The following GALNT17 variants were observed in gnomAD, a reference collection of about 807,000 sequenced individuals.
GALNT17 encodes the protein UDP-GalNAc:polypeptide N-acetylgalactosaminyltransferase-like 3.
Under a neutral mutation model 63.7 loss-of-function variants are expected in GALNT17, and 29 were observed. The ratio of observed to expected loss-of-function variants is 0.46; its 90% CI spans 0.34 to 0.62. GALNT17 has a LOEUF of 0.62. GALNT17 is among the 20% of genes least tolerant of loss of function. The pLI is 0.01. For missense variants in GALNT17, 603 were observed against 799.6 expected (o/e 0.75, Z 2.97); for synonymous variants, 305 against 318.3 (o/e 0.96, Z 0.45).
At chr7:71,451,057 T>A (rs1787253595) in intron 5 of GALNT17, among the ~76,000 whole-genome samples, 1 of 152,020 alleles carries the variant, frequency 6.6e-6, no homozygotes, top group Non-Finnish European at 1.5e-5. Flanking sequence ...ATTAGGTATA[T>A]CTCCTAATGC....
intron 6 of GALNT17, among the ~76,000 whole-genome samples, chr7:71,662,053 C>T (rs1038047351): frequency 6.6e-6 from 1 of 152,270 alleles, no homozygotes; most frequent in East Asian, 1.9e-4. Flanking sequence ...AGTTTGGCTG[C>T]ACCCCAGGCA....
chr7:71,242,853 C>T (rs1314197299), intron 1 of GALNT17, among the ~76,000 whole-genome samples: 1 of 152,178 alleles, frequency 6.6e-6, no homozygotes, highest in Non-Finnish European at 1.5e-5. Context: ...CCCAGGGTGC[C>T]CATTACTGGG....
intron 2 of GALNT17, among the ~76,000 whole-genome samples, chr7:71,356,444 C>A (rs1038466077): frequency 2.0e-5 from 3 of 152,160 alleles, no homozygotes; most frequent in Non-Finnish European, 4.4e-5. Flanking sequence ...AAGCATGACA[C>A]CAGCATTTGC....
chr7:71,297,885 A>G (rs1791111075), intron 1 of GALNT17, among the ~76,000 whole-genome samples: 2 of 152,246 alleles, frequency 1.3e-5, no homozygotes, highest in African/African-American at 4.8e-5. Context: ...GAACAGGCAA[A>G]CATCATCTCT....
intron 1 of GALNT17, among the ~76,000 whole-genome samples, chr7:71,195,056 A>G (rs1406352423): frequency 2.0e-5 from 3 of 152,160 alleles, no homozygotes; most frequent in Non-Finnish European, 2.9e-5. Context: ...GCTAATATGT[A>G]TATGCATGTA....
chr7:71,488,129 C>G lies in GALNT17; in HGVS notation c.962+67024C>G, dbSNP rs1787942850. ...GCTGCAGTGAGCTATGATTTTGTCA[C>G]TACACTCCAGCCTGGGCAACAGAGC... On this transcript the variant is annotated intron_variant, in intron 5 of 10. Transcript: ENST00000333538. 5.4e-5 allele frequency among the ~76,000 whole-genome samples: 8 copies of G among 148,046 alleles called. No homozygotes were observed. The South Asian group carries it at 1.7e-3, about 32-fold the overall frequency.
At chr7:71,232,282 A>C (rs1277215649) in intron 1 of GALNT17, among the ~76,000 whole-genome samples, 4 of 152,134 alleles carry the variant, frequency 2.6e-5, no homozygotes. Context: ...ACTGCCCACC[A>C]CTGCCCCCAC....
At chr7:71,184,330 G>A (rs759495537) in intron 1 of GALNT17, among the ~76,000 whole-genome samples, 1 of 152,176 alleles carries the variant, frequency 6.6e-6, no homozygotes, top group Non-Finnish European at 1.5e-5. Context: ...TGGTGATGGA[G>A]TAACCTAAAT....
In GALNT17 at chr7:71,402,210, A is replaced by T. The variant is rs533856267; in HGVS notation, c.590-13679A>T. 1.0e-3 allele frequency among the ~76,000 whole-genome samples: 152 copies of T among 152,338 alleles called. 1 individual carries two copies. Among genetic ancestry groups the T allele is most frequent in the African/African-American group, 1.8e-3 (74 of 41,580 alleles). On this transcript the variant is annotated intron_variant, in intron 3 of 10. Transcript: ENST00000333538. Reference sequence around the variant, plus strand: ...ATAAAGGGTACTGTTGAGTGTGCTCATGACATTATTTGATTTGCTAACTCC... The same window carrying T: ...ATAAAGGGTACTGTTGAGTGTGCTCTTGACATTATTTGATTTGCTAACTCC...
rs144147848 is a variant in GALNT17, at chr7:71,303,530, A to G, written c.239-32020A>G. 1.8e-4 allele frequency among the ~76,000 whole-genome samples: 27 copies of G among 152,210 alleles called. No homozygotes were observed. The East Asian group carries it at 5.0e-3, about 28-fold the overall frequency. On this transcript the variant is annotated intron_variant, in intron 1 of 10. Coordinates refer to ENST00000333538, the MANE Select transcript of GALNT17 (RefSeq NM_022479.3). ...GAGGGCCATTTGAATAGACATTGGG[A>G]CACTTGAAGATGAAAAATTCATGGT...
chr7:71,315,750 G>A (rs1357986694), intron 1 of GALNT17, among the ~76,000 whole-genome samples: 3 of 152,116 alleles, frequency 2.0e-5, no homozygotes, highest in Admixed American at 6.5e-5. Context: ...TGTTGAGTGC[G>A]GCCTCAAGGG....
rs35015537 is a variant in GALNT17 at position 71,634,753 on chromosome 7, CAA to C, written c.1081-30644_1081-30643del. Among the ~76,000 whole-genome samples, 321 of 110,198 alleles carry C rather than the reference CAA, an allele frequency of 2.9e-3. 1 individual carries two copies. Among genetic ancestry groups the C allele is most frequent in the Middle Eastern group, 8.5e-3 (2 of 236 alleles). 72.3% of individuals were successfully genotyped at this position (110,198 alleles called of 152,430 possible). A position where few individuals can be genotyped will look rare whatever the true frequency, so the allele number is the denominator to read the frequency against. On this transcript the variant is annotated intron_variant, in intron 6 of 10. Coordinates refer to ENST00000333538, the MANE Select transcript of GALNT17 (RefSeq NM_022479.3). Reference sequence around the variant, plus strand: ...TGGGCGACGGAGCGAGACTCCATCTCAAAAAAAAAAAAAAAGAAAAAAGAAAA... The same window carrying C: ...TGGGCGACGGAGCGAGACTCCATCTCAAAAAAAAAAAAAGAAAAAAGAAAA...
At chr7:71,516,774 C>T (rs1788452098) in intron 5 of GALNT17, among the ~76,000 whole-genome samples, 1 of 152,144 alleles carries the variant, frequency 6.6e-6, no homozygotes, top group South Asian at 2.1e-4. Context: ...TGCCCATGCT[C>T]CCTGTCACCT....
chr7:71,562,914 G>A (rs998892171), intron 5 of GALNT17, among the ~76,000 whole-genome samples: 1 of 152,132 alleles, frequency 6.6e-6, no homozygotes. Flanking sequence ...CTTTAGAGGA[G>A]GGGAAGCATC....
chr7:71,193,008 G>A (rs1788980867), intron 1 of GALNT17, among the ~76,000 whole-genome samples: 2 of 151,956 alleles, frequency 1.3e-5, no homozygotes, highest in Non-Finnish European at 2.9e-5. Context: ...TGAGTAAGTG[G>A]CATGTGTGCA....
At chr7:71,280,197 T>C (rs369436939) in intron 1 of GALNT17, among the ~76,000 whole-genome samples, 18 of 152,232 alleles carry the variant, frequency 1.2e-4, no homozygotes, top group African/African-American at 4.1e-4. Context: ...GAGTCCAGGA[T>C]AATGAGATGG....
At chr7:71,205,063 A>G (rs998555316) in intron 1 of GALNT17, among the ~76,000 whole-genome samples, 1 of 151,022 alleles carries the variant, frequency 6.6e-6, no homozygotes, top group African/African-American at 2.4e-5. Context: ...TATCTTGTCA[A>G]TGTTTTATTA....
In GALNT17 at chr7:71,312,561, A is replaced by G. The variant is rs774464663; in HGVS notation, c.239-22989A>G. ...CAGATCTGGAGACTGGAAATCCAAG[A>G]TGAAGGTGCTGGCAGGGTTGGTTTC... On this transcript the variant is annotated intron_variant, in intron 1 of 10. Coordinates refer to ENST00000333538, the MANE Select transcript of GALNT17 (RefSeq NM_022479.3). Among the ~76,000 whole-genome samples, 21 of 152,164 alleles carry G rather than the reference A, an allele frequency of 1.4e-4. 1 individual carries two copies. The highest frequency in any genetic ancestry group is 2.4e-4 in the Non-Finnish European group (16 of 68,018).
chr7:71,395,493 T>C (rs1793122397), intron 3 of GALNT17, among the ~76,000 whole-genome samples: 1 of 152,248 alleles, frequency 6.6e-6, no homozygotes, highest in Admixed American at 6.5e-5. Context: ...GTTTAGTTGA[T>C]AGACATTTGG....
Sources: allele counts gnomAD v4.1 joint callset (sites outside exome capture counted in the v4.1 genomes callset), GRCh38; gene constraint gnomAD v4.1.1; transcripts MANE v1.5; gene names NCBI Gene and HGNC (gene_info 2026-07-23, HGNC 2026-07-21).